Variants in GRIP1 observed in about 807,000 individuals in gnomAD.
The protein encoded by GRIP1 is glutamate receptor interacting protein 1, also known as glutamate receptor-interacting protein 1.
GRIP1 carries 45 observed loss-of-function variants against 129.9 expected under a neutral mutation model. That is an observed-to-expected ratio of 0.35 (90% CI 0.27 to 0.44). The LOEUF is 0.44. Ranked by LOEUF, GRIP1 falls within the 20% of genes least tolerant of loss-of-function variation. The probability of loss-of-function intolerance (pLI) is 1.00; values close to 1 mark genes in which losing one functional copy is unlikely to be tolerated. For synonymous variants in GRIP1, 530 were observed against 520.8 expected (o/e 1.02, Z -0.24); for missense variants, 1,196 against 1,396.8 (o/e 0.86, Z 2.29).
chr12:66,942,417 A>T (rs529617670), intron 1 of GRIP1, among the ~76,000 whole-genome samples: 3 of 152,040 alleles, frequency 2.0e-5, no homozygotes, highest in African/African-American at 7.2e-5. Context: ...TCTTCTTCCC[A>T]CTTTCTTTGA....
chr12:66,995,446 A>T (rs1042102260), intron 1 of GRIP1, among the ~76,000 whole-genome samples: 1 of 152,148 alleles, frequency 6.6e-6, no homozygotes, highest in Non-Finnish European at 1.5e-5. Flanking sequence ...AAAACCATAT[A>T]TCTGATATTG....
At chr12:66,531,984 G>A (rs1464235596) in intron 4 of GRIP1, among the ~76,000 whole-genome samples, 4 of 152,106 alleles carry the variant, frequency 2.6e-5, no homozygotes, top group African/African-American at 7.2e-5. Flanking sequence ...TTTTGGCTGG[G>A]TATCTGTTAT....
rs567453634 is a variant in GRIP1 at position 67,033,748 on chromosome 12, C to A, written c.58+35302G>T. ...TCAAAGAGTAACTTCACCTCCTGAACCATTGGTTGTCTCATATCTATAACA... is the reference window on the plus strand; with the variant it reads ...TCAAAGAGTAACTTCACCTCCTGAAACATTGGTTGTCTCATATCTATAACA... On this transcript the variant is annotated intron_variant, in intron 1 of 1. Transcript: ENST00000643019. Among the ~76,000 whole-genome samples, 6 of 152,252 alleles carry A rather than the reference C, an allele frequency of 3.9e-5. No homozygotes were observed. The South Asian group carries it at 1.0e-3, about 26-fold the overall frequency.
chr12:66,849,648 C>T (rs190155169), intron 1 of GRIP1, among the ~76,000 whole-genome samples: 12 of 152,172 alleles, frequency 7.9e-5, no homozygotes, highest in African/African-American at 2.9e-4. Context: ...CTTTTATTTA[C>T]CTTCCTTCCT....
At chr12:66,656,444 C>A (rs189026255) in intron 1 of GRIP1, among the ~76,000 whole-genome samples, 1 of 152,190 alleles carries the variant, frequency 6.6e-6, no homozygotes, top group South Asian at 2.1e-4. Flanking sequence ...TGAGTAGCTG[C>A]AGCCCTCCTT....
At chr12:66,555,738 T>C (rs895264909) in intron 2 of GRIP1, among the ~76,000 whole-genome samples, 2 of 152,022 alleles carry the variant, frequency 1.3e-5, no homozygotes, top group African/African-American at 4.8e-5. Context: ...TTAAAAAGAA[T>C]TGAGCAGAAA....
intron 1 of GRIP1, among the ~76,000 whole-genome samples, chr12:66,603,539 G>A (rs1029827122): frequency 3.9e-5 from 6 of 152,184 alleles, no homozygotes; most frequent in Non-Finnish European, 8.8e-5. Flanking sequence ...TTGTATGCAC[G>A]TTCATGTTTG....
At chr12:66,459,392 T>C (rs180755857) in intron 9 of GRIP1, among the ~76,000 whole-genome samples, 4 of 152,174 alleles carry the variant, frequency 2.6e-5, no homozygotes, top group Admixed American at 2.6e-4. Context: ...ACCGACACTT[T>C]AGCGTACTTT....
At chr12:66,532,331 G>A (rs1456962544) in intron 4 of GRIP1, among the ~76,000 whole-genome samples, 2 of 152,180 alleles carry the variant, frequency 1.3e-5, no homozygotes, top group South Asian at 2.1e-4. Context: ...CAATTAAGGT[G>A]CTTACCCAAA....
intron 5 of GRIP1, among the ~76,000 whole-genome samples, chr12:66,524,799 G>T (rs1339811513): frequency 1.3e-5 from 2 of 152,002 alleles, no homozygotes; most frequent in Non-Finnish European, 2.9e-5. Context: ...TAATAAAGAA[G>T]AATAGAGAGA....
In GRIP1 at chr12:66,848,222, TTC is replaced by T. The variant is rs146710849; in HGVS notation, c.58+220826_58+220827del. Among the ~76,000 whole-genome samples the T allele has an allele frequency of 6.1e-4, 92 of 152,018 alleles. 2 individuals are homozygous for T. The East Asian group carries it at 0.017, about 28-fold the overall frequency. On this transcript the variant is annotated intron_variant, in intron 1 of 1. Coordinates refer to the GRIP1 transcript ENST00000643019. ...TTCTTCTTCCCTCCTTCCCTTTCTT[TTC>T]TCTCTCTCTCCCTGGCTCTTTCCCT...
At chr12:67,052,667 G>A (rs2043365246) in intron 1 of GRIP1, among the ~76,000 whole-genome samples, 1 of 151,922 alleles carries the variant, frequency 6.6e-6, no homozygotes, top group South Asian at 2.1e-4. Flanking sequence ...TGCTGAGGCA[G>A]GAGAATGGCG....
chr12:66,438,830 T>C (rs549205593), intron 13 of GRIP1, among the ~76,000 whole-genome samples: 8 of 152,250 alleles, frequency 5.3e-5, no homozygotes, highest in African/African-American at 1.7e-4. Flanking sequence ...GACAGCTTCT[T>C]GTATTCCAAG....
intron 1 of GRIP1, among the ~76,000 whole-genome samples, chr12:66,945,137 TTTC>T (rs1290442866): frequency 1.3e-5 from 2 of 152,160 alleles, no homozygotes; most frequent in Non-Finnish European, 2.9e-5. Context: ...TCTCTTTTGT[TTTC>T]TTTTTTTAAT....
intron 1 of GRIP1, among the ~76,000 whole-genome samples, chr12:66,650,201 G>A (rs918303714): frequency 2.0e-5 from 3 of 152,102 alleles, no homozygotes; most frequent in South Asian, 4.1e-4. Flanking sequence ...CTCTACCTCA[G>A]TTTAAGCCAC....
intron 1 of GRIP1, among the ~76,000 whole-genome samples, chr12:66,691,982 G>T (rs2034998917): frequency 6.6e-6 from 1 of 152,144 alleles, no homozygotes; most frequent in Non-Finnish European, 1.5e-5. Context: ...AAAAATAAAA[G>T]GTATCTTCCA....
upstream of GRIP1, chr12:66,804,218 C>A: frequency 2.3e-6 from 1 of 438,602 alleles, no homozygotes; most frequent in Non-Finnish European, 4.6e-6. Flanking sequence ...GCACAGCTAG[C>A]ACAAGAGCAC....
Position 66,765,940 on chromosome 12 carries a change from G to A in GRIP1, c.-420+38113C>T, listed in dbSNP as rs146801882. ...CATAGGATGTCCTTAGTTAAATAGT[G>A]TGTGGGCACAGCTGATCTTCAGAAC... On this transcript the variant is annotated intron_variant, in intron 1 of 4. Coordinates refer to the GRIP1 transcript ENST00000538373. Among the ~76,000 whole-genome samples the A allele has an allele frequency of 2.0e-3, 308 of 152,264 alleles. 2 individuals are homozygous for A. The highest frequency in any genetic ancestry group is 6.8e-3 in the Middle Eastern group (2 of 294).
At chr12:66,628,588 CT>C (rs1188773953) in intron 1 of GRIP1, among the ~76,000 whole-genome samples, 1 of 152,148 alleles carries the variant, frequency 6.6e-6, no homozygotes, top group Non-Finnish European at 1.5e-5. Flanking sequence ...CCTAGTTTTC[CT>C]TGTTGTGTAT....
Sources: allele counts gnomAD v4.1 joint callset (sites outside exome capture counted in the v4.1 genomes callset), GRCh38; gene constraint gnomAD v4.1.1; transcripts MANE v1.5; gene names NCBI Gene and HGNC (gene_info 2026-07-23, HGNC 2026-07-21).